The following LRMDA variants were observed in gnomAD, a reference collection of about 807,000 sequenced individuals.
LRMDA encodes the protein leucine rich melanocyte differentiation associated, also known as leucine-rich melanocyte differentiation-associated protein.
Under a neutral mutation model 29.8 loss-of-function variants are expected in LRMDA, and 18 were observed. The observed-to-expected ratio is 0.60, with a 90% confidence interval of 0.42 to 0.90. The LOEUF (loss-of-function observed/expected upper bound fraction) is 0.90. LRMDA is among the 40% of genes least tolerant of loss of function. The pLI, the probability that LRMDA is intolerant of heterozygous loss-of-function variation, is 0.00. For synonymous variants in LRMDA, 125 were observed against 109.4 expected, an observed-to-expected ratio of 1.14 and a Z score of -0.89; for missense variants, 273 against 273.9, an observed-to-expected ratio of 1.00 and a Z score of 0.02.
At chr10:75,852,334 A>T (rs1844745665) in intron 2 of LRMDA, among the ~76,000 whole-genome samples, 1 of 152,180 alleles carries the variant, frequency 6.6e-6, no homozygotes, top group Admixed American at 6.5e-5. Context: ...GTGACACATA[A>T]TTTTTGGTAA....
intron 2 of LRMDA, among the ~76,000 whole-genome samples, chr10:75,594,265 G>T (rs1840759245): frequency 6.6e-6 from 1 of 152,210 alleles, no homozygotes; most frequent in Non-Finnish European, 1.5e-5. Flanking sequence ...CCTAGCATTT[G>T]CTCAGTGAAC....
At chr10:76,264,944 G>A (rs749740211) in intron 5 of LRMDA, among the ~76,000 whole-genome samples, 38 of 152,316 alleles carry the variant, frequency 2.5e-4, no homozygotes, top group Admixed American at 2.0e-3. Flanking sequence ...GACATTCAGC[G>A]TTCAAGACAG....
intron 6 of LRMDA, among the ~76,000 whole-genome samples, chr10:76,420,357 A>T (rs1171647699): frequency 2.0e-5 from 3 of 151,614 alleles, no homozygotes; most frequent in African/African-American, 7.3e-5. Context: ...CCTTTTATCT[A>T]TTTTTCAGGT....
At chr10:76,491,861 A>G (rs1233028942) in intron 6 of LRMDA, among the ~76,000 whole-genome samples, 1 of 151,684 alleles carries the variant, frequency 6.6e-6, no homozygotes, top group African/African-American at 2.4e-5. Flanking sequence ...GTGCTTCATT[A>G]TTTTTTATTC....
At chr10:76,312,981 C>T (rs943954228) in intron 5 of LRMDA, among the ~76,000 whole-genome samples, 2 of 152,060 alleles carry the variant, frequency 1.3e-5, no homozygotes, top group Non-Finnish European at 2.9e-5. Context: ...TCATAGCTAA[C>T]ATCCATGAGC....
At chr10:76,398,509 T>A (rs1413787214) in intron 6 of LRMDA, among the ~76,000 whole-genome samples, 1 of 152,222 alleles carries the variant, frequency 6.6e-6, no homozygotes, top group Non-Finnish European at 1.5e-5. Context: ...AGATTTAAGC[T>A]TGGATTTTTT....
chr10:76,505,979 G>A (rs781698391), intron 6 of LRMDA, among the ~76,000 whole-genome samples: 1 of 152,094 alleles, frequency 6.6e-6, no homozygotes, highest in South Asian at 2.1e-4. Context: ...TACAGGATCT[G>A]TACTTAAAGC....
intron 2 of LRMDA, among the ~76,000 whole-genome samples, chr10:75,931,567 C>T (rs1846205805): frequency 6.6e-6 from 1 of 152,132 alleles, no homozygotes; most frequent in Non-Finnish European, 1.5e-5. Context: ...GAAGTCATTA[C>T]TGATGTTATA....
intron 2 of LRMDA, among the ~76,000 whole-genome samples, chr10:75,924,473 G>A (rs201903050): frequency 1.3e-5 from 2 of 152,262 alleles, no homozygotes; most frequent in East Asian, 3.9e-4. Flanking sequence ...AAAAATAATT[G>A]CATTGGTTGG....
intron 2 of LRMDA, among the ~76,000 whole-genome samples, chr10:75,458,157 T>C (rs1844542438): frequency 6.6e-6 from 1 of 152,232 alleles, no homozygotes; most frequent in Non-Finnish European, 1.5e-5. Flanking sequence ...CCAAATGAAA[T>C]ACTAAATGTA....
At chr10:76,194,169 AG>A (rs1392014557) in intron 5 of LRMDA, among the ~76,000 whole-genome samples, 1 of 152,216 alleles carries the variant, frequency 6.6e-6, no homozygotes, top group Non-Finnish European at 1.5e-5. Context: ...AGTCTGTTGC[AG>A]AAGTGCTTAG....
At chr10:75,942,273 C>A (rs1039854351) in intron 2 of LRMDA, among the ~76,000 whole-genome samples, 1 of 152,094 alleles carries the variant, frequency 6.6e-6, no homozygotes, top group Non-Finnish European at 1.5e-5. Flanking sequence ...GCCACCTCAC[C>A]CCAGATGCCC....
intron 2 of LRMDA, among the ~76,000 whole-genome samples, chr10:75,453,008 G>A (rs1050929357): frequency 5.9e-5 from 9 of 152,206 alleles, no homozygotes; most frequent in Non-Finnish European, 1.3e-4. Context: ...GGGATCTTTT[G>A]AGAGGAAAAG....
intron 2 of LRMDA, chr10:75,883,463 C>G (rs1301383813): frequency 6.6e-6 from 1 of 152,236 alleles, no homozygotes; most frequent in Non-Finnish European, 1.5e-5. Context: ...CTGGGGTGCT[C>G]AGCAGTGGCC....
chr10:76,281,040 C>T (rs1366390751), intron 5 of LRMDA, among the ~76,000 whole-genome samples: 2 of 152,200 alleles, frequency 1.3e-5, no homozygotes, highest in Non-Finnish European at 2.9e-5. Context: ...GTTACAACAG[C>T]CCACCAAATG....
chr10:75,594,485 T>C (rs963833784), intron 2 of LRMDA, among the ~76,000 whole-genome samples: 2 of 152,174 alleles, frequency 1.3e-5, no homozygotes, highest in African/African-American at 4.8e-5. Context: ...CTTTTCTTCT[T>C]GGGAAACAAG....
At chr10:76,519,081 G>T (rs1015422107) in intron 6 of LRMDA, among the ~76,000 whole-genome samples, 2 of 152,140 alleles carry the variant, frequency 1.3e-5, no homozygotes, top group African/African-American at 4.8e-5. Context: ...GGCTGAGAAG[G>T]GTGGATTGCT....
intron 2 of LRMDA, among the ~76,000 whole-genome samples, chr10:76,004,563 T>C (rs998245695): frequency 6.6e-6 from 1 of 152,196 alleles, no homozygotes; most frequent in South Asian, 2.1e-4. Flanking sequence ...GGCCACAGAC[T>C]GGCCACCCCC....
chr10:75,437,044 A>G lies in LRMDA; in HGVS notation c.31-1350A>G, dbSNP rs370040629. Among the ~76,000 whole-genome samples the G allele has an allele frequency of 6.6e-5, 10 of 152,184 alleles. No homozygotes were observed. The South Asian group carries it at 1.9e-3, about 28-fold the overall frequency. ...AGCTATTTTTCTATCCTTTCTCCTT[A>G]TTTTCTCTCCTCCTAGAATGAAGTT... On this transcript the variant is annotated intron_variant, in intron 1 of 6. Transcript: ENST00000611255.
Sources: gnomAD v4.1 joint callset for allele counts (sites outside exome capture counted in the v4.1 genomes callset) on GRCh38, gnomAD v4.1.1 for gene constraint, MANE v1.5 for transcripts, NCBI Gene and HGNC (gene_info 2026-07-23, HGNC 2026-07-21) for gene names.